The following ZNF519 variants were observed in gnomAD, a reference collection of about 807,000 sequenced individuals.
ZNF519 encodes similar to Zinc finger protein 85 (Zinc finger protein HPF4) (HTF1).
In ZNF519, 7 loss-of-function variants were observed where a neutral mutation model predicts 7.4. That is an observed-to-expected ratio of 0.94 (90% CI 0.54 to 1.77). The LOEUF (loss-of-function observed/expected upper bound fraction) is 1.77. ZNF519 is among the 40% of genes most tolerant of loss of function. ZNF519 has a pLI of 0.00. For missense variants in ZNF519, 586 were observed against 623.1 expected, an observed-to-expected ratio of 0.94 and a Z score of 0.63; for synonymous variants, 179 against 203.3, an observed-to-expected ratio of 0.88 and a Z score of 1.02.
At chr18:14,127,466 G>A (rs1455756493) in intron 1 of ZNF519, among the ~76,000 whole-genome samples, 2 of 152,100 alleles carry the variant, frequency 1.3e-5, no homozygotes, top group African/African-American at 4.8e-5. Flanking sequence ...TAAAACCAGA[G>A]GAAAGATCCT....
At chr18:14,072,921 G>A (rs1473946717), downstream of ZNF519, 1 of 152,154 alleles carries the variant, frequency 6.6e-6, no homozygotes, top group Non-Finnish European at 1.5e-5. Flanking sequence ...CACCCTCTGT[G>A]AAGCCCCAAA....
chr18:14,105,709 G>A lies in ZNF519; in HGVS notation c.831C>T (p.Gly277=), dbSNP rs137978357. The A allele has an allele frequency of 2.4e-5, 38 of 1,613,692 alleles. No homozygotes were observed. Among genetic ancestry groups the A allele is most frequent in the Non-Finnish European group, 3.1e-5 (37 of 1,179,958 alleles). Residue 277 remains glycine, a synonymous_variant, in exon 3 of 3, where the codon GGC becomes GGT. Transcript: ENST00000590202. ...GAATTTTCTGATGTCCAAGATGTAA[G>A]CCCCTGGTAAAAGCTTTGCCACGTT... The part of the protein sequence containing the change: ...YKERGKAFTR[G]LHLGHQKIHT...
downstream of ZNF519, chr18:14,075,366 T>A (rs1044594116): frequency 6.6e-6 from 1 of 152,210 alleles, no homozygotes; most frequent in Non-Finnish European, 1.5e-5. Context: ...CCCATTCTAT[T>A]TGGGAGCTTG....
At chr18:14,124,660 T>A (rs949594678) in intron 1 of ZNF519, among the ~76,000 whole-genome samples, 184 bp from the exon 2 acceptor site, 1 of 152,126 alleles carries the variant, frequency 6.6e-6, no homozygotes, top group Non-Finnish European at 1.5e-5. Context: ...CAATTTCTGC[T>A]GCTGCAATGG....
intron 3 of ZNF519, among the ~76,000 whole-genome samples, chr18:14,083,860 G>A (rs1330416197): frequency 2.0e-5 from 3 of 152,182 alleles, no homozygotes; most frequent in African/African-American, 7.2e-5. Context: ...TATTTGTGCA[G>A]TTTCTTTAAT....
chr18:14,072,582 A>G (rs942748048), downstream of ZNF519: 1 of 147,326 alleles, frequency 6.8e-6, no homozygotes, highest in African/African-American at 2.4e-5. Flanking sequence ...CAGATGGTCA[A>G]CAGTGTGAGC....
chr18:14,097,788 T>G (rs2143109329), downstream of ZNF519, among the ~76,000 whole-genome samples: 1 of 152,324 alleles, frequency 6.6e-6, no homozygotes, highest in African/African-American at 2.4e-5. Flanking sequence ...AGTAGGATGC[T>G]TTTGTCCCAA....
intron 2 of ZNF519, chr18:14,090,140 C>T (rs2046108173): frequency 6.6e-6 from 1 of 152,148 alleles, no homozygotes; most frequent in African/African-American, 2.4e-5. Flanking sequence ...TTTATTGAGA[C>T]CTGTTCAATC....
chr18:14,113,901 A>T (rs1437053125), intron 2 of ZNF519, among the ~76,000 whole-genome samples: 1 of 152,180 alleles, frequency 6.6e-6, no homozygotes, highest in Non-Finnish European at 1.5e-5. Flanking sequence ...CCACATGTTG[A>T]GCACCTTGTC....
chr18:14,109,533 A>G (rs1401748539), intron 2 of ZNF519, among the ~76,000 whole-genome samples: 1 of 152,204 alleles, frequency 6.6e-6, no homozygotes, highest in Non-Finnish European at 1.5e-5. Context: ...CTACAATGAA[A>G]AAACCTAGAA....
Position 14,104,915 on chromosome 18 carries a change from T to G in ZNF519, c.*2A>C. 1 of 1,535,742 alleles carries G rather than the reference T, an allele frequency of 6.5e-7. No homozygotes were observed. The highest frequency in any genetic ancestry group is 1.4e-5 in the African/African-American group (1 of 72,430). On this transcript the variant is annotated 3_prime_UTR_variant, in exon 3 of 3. Coordinates refer to ENST00000590202, the MANE Select transcript of ZNF519 (RefSeq NM_145287.4). Reference sequence around the variant, plus strand: ...AGCACATTCTTTACACTTGCAGGGTTTCTACCTGGTATGAATTATTTGATG... The same window carrying G: ...AGCACATTCTTTACACTTGCAGGGTGTCTACCTGGTATGAATTATTTGATG...
chr18:14,106,737 C>T (rs2046195007), intron 2 of ZNF519, among the ~76,000 whole-genome samples: 3 of 152,170 alleles, frequency 2.0e-5, no homozygotes, highest in South Asian at 4.1e-4. Flanking sequence ...ACTAATGCCA[C>T]CCCTCACTCA....
chr18:14,078,568 G>A (rs992817286), intron 3 of ZNF519, among the ~76,000 whole-genome samples: 11 of 152,034 alleles, frequency 7.2e-5, no homozygotes, highest in Non-Finnish European at 1.6e-4. Context: ...TAATTTTTAG[G>A]AAGACTACAT....
rs2046153325 is a variant in ZNF519 at position 14,100,128 on chromosome 18, T to C, written c.*4789A>G. 1 of 152,126 alleles carries C rather than the reference T, an allele frequency of 6.6e-6. No homozygotes were observed. 9.4% of individuals were successfully genotyped at this position (152,126 alleles called of 1,614,324 possible). A position where few individuals can be genotyped will look rare whatever the true frequency, so the allele number is the denominator to read the frequency against. On this transcript the variant is annotated 3_prime_UTR_variant, in exon 3 of 3. Coordinates refer to ENST00000590202, the MANE Select transcript of ZNF519 (RefSeq NM_145287.4). ...AATAAAGTTCAACATTATTATCCTT[T>C]AGAAAAATGTACATTAAAACAATGT...
rs1341065642 is a variant in ZNF519, at chr18:14,105,899, C to T, written c.641G>A (p.Cys214Tyr). The T allele has an allele frequency of 1.2e-6, 2 of 1,609,064 alleles. No homozygotes were observed. The highest frequency in any genetic ancestry group is 1.7e-6 in the Non-Finnish European group (2 of 1,178,718). ...TGAGAATGGGTCAGAAGTTTCACCA[C>T]ATTCATTAGAGTTGTAAGGCTTTTT... Reference protein sequence around the residue: ...IQKKPYNSNECGETSDPFSKL... With the variant: ...IQKKPYNSNEYGETSDPFSKL... Residue 214 changes from cysteine to tyrosine, a missense_variant, in exon 3 of 3, where the codon TGT becomes TAT. Physicochemically the swap from Cys to Tyr is radical, Grantham distance 194. Coordinates refer to ENST00000590202, the MANE Select transcript of ZNF519 (RefSeq NM_145287.4).
At chr18:14,114,412 T>C (rs569972179) in intron 2 of ZNF519, among the ~76,000 whole-genome samples, 1 of 152,310 alleles carries the variant, frequency 6.6e-6, no homozygotes, top group South Asian at 2.1e-4. Context: ...TCAATATATA[T>C]TCTTGAAACC....
chr18:14,100,675 A>T lies in ZNF519; in HGVS notation c.*4242T>A, dbSNP rs947381758. ...TCAAAGAATCAGAATCAGAGTGGGT[A>T]TGGTGGGGAGAAGGGAAGCGGATGT... On this transcript the variant is annotated 3_prime_UTR_variant, in exon 3 of 3. Coordinates refer to ENST00000590202, the MANE Select transcript of ZNF519 (RefSeq NM_145287.4). 6.6e-6 allele frequency: 1 copy of T among 152,220 alleles called. No homozygotes were observed. The highest frequency in any genetic ancestry group is 1.5e-5 in the Non-Finnish European group (1 of 68,032). The allele number at this position is 152,220 out of a possible 1,614,324, so 9.4% of individuals were successfully genotyped here. A position where few individuals can be genotyped will look rare whatever the true frequency, so the allele number is the denominator to read the frequency against.
At chr18:14,083,875 A>C (rs2046079412) in intron 3 of ZNF519, among the ~76,000 whole-genome samples, 1 of 152,138 alleles carries the variant, frequency 6.6e-6, no homozygotes, top group African/African-American at 2.4e-5. Context: ...TTTAATCCTC[A>C]TCCACTGGGA....
At chr18:14,093,709 T>G (rs1240992387) in intron 2 of ZNF519, among the ~76,000 whole-genome samples, 3 of 152,070 alleles carry the variant, frequency 2.0e-5, no homozygotes, top group Non-Finnish European at 4.4e-5. Flanking sequence ...ATACAGAAAA[T>G]TAAAGTGAGG....
Sources: gnomAD v4.1 joint callset for allele counts (sites outside exome capture counted in the v4.1 genomes callset) on GRCh38, gnomAD v4.1.1 for gene constraint, MANE v1.5 for transcripts, NCBI Gene and HGNC (gene_info 2026-07-23, HGNC 2026-07-21) for gene names.